The following ARHGEF3 variants were observed in gnomAD, a reference collection of about 807,000 sequenced individuals.
ARHGEF3 encodes the protein Rho guanine nucleotide exchange factor 3, also known as 59.8 kDA protein.
ARHGEF3 carries 28 observed loss-of-function variants against 63.2 expected under a neutral mutation model. The ratio of observed to expected loss-of-function variants is 0.44; its 90% confidence interval spans 0.33 to 0.61. The LOEUF is 0.61. Ranked by LOEUF, ARHGEF3 falls within the 20% of genes least tolerant of loss-of-function variation. The probability of loss-of-function intolerance (pLI) is 0.03; values close to 1 mark genes in which losing one functional copy is unlikely to be tolerated. For synonymous variants in ARHGEF3, 266 were observed against 254.2 expected, an observed-to-expected ratio of 1.05 and a Z score of -0.44; for missense variants, 533 against 659.3, an observed-to-expected ratio of 0.81 and a Z score of 2.10.
At chr3:56,946,027 T>C (rs1302542930) in intron 3 of ARHGEF3, among the ~76,000 whole-genome samples, 1 of 152,092 alleles carries the variant, frequency 6.6e-6, no homozygotes, top group African/African-American at 2.4e-5. Flanking sequence ...GGGTCTGGAG[T>C]GGACCTCCAG....
At chr3:56,941,929 G>T (rs1424266858) in intron 3 of ARHGEF3, among the ~76,000 whole-genome samples, 1 of 152,110 alleles carries the variant, frequency 6.6e-6, no homozygotes, top group African/African-American at 2.4e-5. Context: ...TCATCACATT[G>T]TTGAGAACAC....
chr3:56,876,241 G>A (rs540470871), intron 4 of ARHGEF3, among the ~76,000 whole-genome samples: 1 of 152,274 alleles, frequency 6.6e-6, no homozygotes, highest in Admixed American at 6.5e-5. Context: ...ACGGTGCAAG[G>A]CTTTGGAAGC....
chr3:56,755,891 A>T (rs941890761), intron 2 of ARHGEF3, among the ~76,000 whole-genome samples: 11 of 152,206 alleles, frequency 7.2e-5, no homozygotes, highest in African/African-American at 2.7e-4. Flanking sequence ...AAGCTTTACC[A>T]ATACTGCTTG....
intron 3 of ARHGEF3, among the ~76,000 whole-genome samples, chr3:56,891,260 C>T (rs1245009857): frequency 6.6e-6 from 1 of 151,420 alleles, no homozygotes; most frequent in Non-Finnish European, 1.5e-5. Flanking sequence ...TCAAGCAATC[C>T]TCTCGCCTCC....
Position 56,729,289 on chromosome 3 carries a change from T to G in ARHGEF3, c.1562A>C (p.His521Pro), listed in dbSNP as rs748321627. 6.2e-7 allele frequency: 1 copy of G among 1,613,172 alleles called. No individual in the cohort carries two copies. Among genetic ancestry groups the G allele is most frequent in the South Asian group, 1.1e-5 (1 of 91,002 alleles). Reference sequence around the variant, plus strand: ...CTTCTGTCAGACGTTACTTTCACCGTGCCTGCTGTTTCCACAGGAAGAGTC... The same window carrying G: ...CTTCTGTCAGACGTTACTTTCACCGGGCCTGCTGTTTCCACAGGAAGAGTC... ...QTDSSCGNSR[H>P]GESNV Residue 521 changes from histidine (H) to proline (P), a missense_variant, in exon 10 of 10, where the codon CAC (histidine) becomes CCC (proline). This residue lies in a region of ARHGEF3 where 115 missense variants were observed against 103.4 expected (regional missense o/e 1.11). Transcript: ENST00000296315.
chr3:56,995,551 C>A (rs1469863044), intron 2 of ARHGEF3, among the ~76,000 whole-genome samples: 2 of 150,060 alleles, frequency 1.3e-5, no homozygotes, highest in East Asian at 3.9e-4. Flanking sequence ...TTCAATCAAT[C>A]CCAAAGTGAC....
intron 2 of ARHGEF3, among the ~76,000 whole-genome samples, chr3:56,764,760 T>C (rs1328372858): frequency 3.3e-5 from 5 of 151,432 alleles, no homozygotes; most frequent in Non-Finnish European, 5.9e-5. Flanking sequence ...CAACAAATTT[T>C]TTTTTTTTTT....
chr3:56,751,586 C>G (rs1216355835), intron 4 of ARHGEF3, among the ~76,000 whole-genome samples, 190 bp from the exon 5 acceptor site: 2 of 152,108 alleles, frequency 1.3e-5, no homozygotes, highest in East Asian at 1.9e-4. Flanking sequence ...CTGCCTTAAG[C>G]CTTTGTGGTT....
intron 2 of ARHGEF3, among the ~76,000 whole-genome samples, chr3:56,973,621 G>A (rs570276474): frequency 2.6e-5 from 4 of 152,242 alleles, no homozygotes; most frequent in African/African-American, 9.6e-5. Flanking sequence ...AACCAAGAGA[G>A]GGACAACGCG....
chr3:56,882,106 GT>G (rs2040785705), intron 4 of ARHGEF3, among the ~76,000 whole-genome samples: 1 of 152,212 alleles, frequency 6.6e-6, no homozygotes, highest in Non-Finnish European at 1.5e-5. Context: ...GGAAGTTTAA[GT>G]TGGCCACACA....
intron 8 of ARHGEF3, among the ~76,000 whole-genome samples, chr3:56,735,919 A>G (rs956533770): frequency 1.3e-5 from 2 of 152,172 alleles, no homozygotes; most frequent in Admixed American, 6.6e-5. Context: ...CCCTTGAATT[A>G]TCAAAACTTT....
intron 4 of ARHGEF3, among the ~76,000 whole-genome samples, chr3:56,867,968 A>C (rs563384894): frequency 3.4e-4 from 52 of 152,314 alleles, no homozygotes; most frequent in Non-Finnish European, 5.9e-4. Flanking sequence ...TCTTGATCAC[A>C]TCTGCTTGGA....
At chr3:56,740,871 G>T (rs1042101216) in intron 7 of ARHGEF3, among the ~76,000 whole-genome samples, 2 of 152,220 alleles carry the variant, frequency 1.3e-5, no homozygotes, top group Admixed American at 1.3e-4. Flanking sequence ...AAGAAGATGC[G>T]CTATAGTCAT....
chr3:56,910,104 C>G (rs572690436), intron 3 of ARHGEF3, among the ~76,000 whole-genome samples: 1 of 152,314 alleles, frequency 6.6e-6, no homozygotes, highest in African/African-American at 2.4e-5. Flanking sequence ...GTAGCTGTTA[C>G]TCAGCAAAAG....
intron 4 of ARHGEF3, among the ~76,000 whole-genome samples, chr3:56,818,331 G>A (rs989958082): frequency 1.3e-5 from 2 of 152,216 alleles, no homozygotes; most frequent in Non-Finnish European, 2.9e-5. Flanking sequence ...AGGTGGCAGG[G>A]TGGCCATCTC....
intron 7 of ARHGEF3, among the ~76,000 whole-genome samples, chr3:56,742,157 T>C (rs1005309246): frequency 6.6e-6 from 1 of 152,172 alleles, no homozygotes; most frequent in South Asian, 2.1e-4. Context: ...GGACTGTTTT[T>C]CCCACTGATT....
intron 2 of ARHGEF3, among the ~76,000 whole-genome samples, chr3:57,015,695 G>T (rs1702968498): frequency 6.7e-6 from 1 of 150,120 alleles, no homozygotes; most frequent in Non-Finnish European, 1.5e-5. Flanking sequence ...TCTTGCCTCT[G>T]CCTCTTAAAG....
Position 56,955,175 on chromosome 3 carries a change from CTTTTTCTTTTTTTTT to C in ARHGEF3, c.129+3633_129+3647del, listed in dbSNP as rs1291965614. Among the ~76,000 whole-genome samples, 5 of 134,822 alleles carry C rather than the reference CTTTTTCTTTTTTTTT, an allele frequency of 3.7e-5. No homozygotes were observed. In the East Asian group the frequency reaches 8.6e-4, roughly 23 times the overall value. The allele number at this position is 134,822 out of a possible 152,430, so 88.4% of individuals were successfully genotyped here. ...GGACATTGGTGAACAAACACTGATC[CTTTTTCTTTTTTTTT>C]TTTTTCTTTTCTTTTTTTTTCTTGA... On this transcript the variant is annotated intron_variant, in intron 3 of 12. Transcript: ENST00000338458.
Position 57,043,275 on chromosome 3 carries a change from C to T in ARHGEF3, c.-27-8099G>A, listed in dbSNP as rs572134877. Reference sequence around the variant, plus strand: ...GGGATTACAGGCATGTGCCACCATGCCCGGCTAATTTTTGTATTTTTAGTA... The same window carrying T: ...GGGATTACAGGCATGTGCCACCATGTCCGGCTAATTTTTGTATTTTTAGTA... On this transcript the variant is annotated intron_variant, in intron 1 of 12. Coordinates refer to the ARHGEF3 transcript ENST00000338458. 6.4e-4 allele frequency among the ~76,000 whole-genome samples: 98 copies of T among 152,124 alleles called. 3 individuals are homozygous for T. The South Asian group carries it at 0.019, about 29-fold the overall frequency.
Sources: allele counts gnomAD v4.1 joint callset (sites outside exome capture counted in the v4.1 genomes callset), GRCh38; gene constraint gnomAD v4.1.1; regional missense constraint gnomAD v4.1.1; transcripts MANE v1.5; gene names NCBI Gene and HGNC (gene_info 2026-07-23, HGNC 2026-07-21).